Variants in PPL observed in about 807,000 individuals in gnomAD.
PPL encodes the protein 190 kDa paraneoplastic pemphigus antigen.
A neutral mutation model predicts 194.4 loss-of-function variants in PPL; 198 were observed. The ratio of observed to expected loss-of-function variants is 1.02; its 90% CI spans 0.91 to 1.15. PPL has a LOEUF of 1.15. Among genes scored for constraint, PPL ranks in the 50% most tolerant of loss-of-function variants. PPL has a pLI of 0.00. For missense variants in PPL, 2,885 were observed against 2,294.8 expected (o/e 1.26, Z -5.25); for synonymous variants, 1,220 against 972.4 (o/e 1.25, Z -4.74).
chr16:4,934,329 A>G (rs2089265008), intron 1 of PPL, among the ~76,000 whole-genome samples: 2 of 151,460 alleles, frequency 1.3e-5, no homozygotes, highest in South Asian at 2.1e-4. Flanking sequence ...TCACTAATCC[A>G]CACTTTGTAG....
In PPL at chr16:4,888,122, C is replaced by G; in HGVS notation, c.2494G>C (p.Ala832Pro). The G allele has an allele frequency of 1.2e-6, 2 of 1,613,608 alleles. No homozygotes were observed. Among genetic ancestry groups the G allele is most frequent in the Non-Finnish European group, 1.7e-6 (2 of 1,179,480 alleles). Reference protein sequence around the residue: ...VSKRARLQSPATKVKEEEAAL... With the variant: ...VSKRARLQSPPTKVKEEEAAL... Reference sequence around the variant, plus strand: ...CTCACCTCTTCCTTCACTTTGGTGGCAGGAGATTGGAGCCTGGCTCTCTTG... The same window carrying G: ...CTCACCTCTTCCTTCACTTTGGTGGGAGGAGATTGGAGCCTGGCTCTCTTG... The change falls in exon 20 of 22, where the codon GCC becomes CCC. Residue 832 changes from alanine (A) to proline (P), a missense_variant. Physicochemically the swap from Ala to Pro is conservative, Grantham distance 27. Transcript: ENST00000345988.
intron 1 of PPL, among the ~76,000 whole-genome samples, chr16:4,932,411 CTTT>C (rs59920775): frequency 2.1e-5 from 3 of 140,780 alleles, no homozygotes; most frequent in Non-Finnish European, 3.1e-5. Flanking sequence ...AGTCATGAAT[CTTT>C]TTTTTTTTTT....
rs138714555 is a variant in PPL, at chr16:4,892,202, G to A, written c.1662C>T (p.Asn554=). ...ERAKDLKNIT[N]ELLRIEPEKT... is the part of the protein sequence containing the mutation. Reference sequence around the variant, plus strand: ...TCTCAGGTTCAATCCGCAGTAGCTCGTTGGTGATGTTCTGTGGGAACCAGG... The same window carrying A: ...TCTCAGGTTCAATCCGCAGTAGCTCATTGGTGATGTTCTGTGGGAACCAGG... The change falls in exon 15 of 22, where the codon AAC becomes AAT. Residue 554 remains asparagine, a synonymous_variant. Coordinates refer to ENST00000345988, the MANE Select transcript of PPL (RefSeq NM_002705.5). The A allele has an allele frequency of 2.4e-5, 39 of 1,611,806 alleles. No individual in the cohort carries two copies. Among genetic ancestry groups the A allele is most frequent in the Admixed American group, 3.3e-5 (2 of 59,990 alleles).
Position 4,884,793 on chromosome 16 carries a change from T to G in PPL, c.3862A>C (p.Thr1288Pro). Residue 1288 changes from threonine (T) to proline (P), a missense_variant, in exon 22 of 22, where the codon ACC becomes CCC. Thr to Pro is a conservative substitution (Grantham distance 38, BLOSUM62 -1). Transcript: ENST00000345988. The surrounding 1 kb of genome is among the most constrained non-coding windows in gnomAD (Gnocchi z 5.7). ...AGGATCTCCTGGACCACCTCTTTGG[T>G]CTGGACCTGGGGTTTGGTGTCTTTC... ...ALKDTKPQVQ[T>P]KEVVQEILQF... The G allele has an allele frequency of 6.2e-7, 1 of 1,614,106 alleles. No individual in the cohort carries two copies. The highest frequency in any genetic ancestry group is 1.3e-5 in the African/African-American group (1 of 75,012).
intron 18 of PPL, among the ~76,000 whole-genome samples, chr16:4,889,902 A>G (rs1337812707): frequency 1.3e-5 from 2 of 152,220 alleles, no homozygotes; most frequent in Non-Finnish European, 2.9e-5. Flanking sequence ...GCGGCTCCTC[A>G]TTCTGTAGCT....
chr16:4,923,027 T>A (rs996751722), intron 1 of PPL, among the ~76,000 whole-genome samples: 2 of 152,078 alleles, frequency 1.3e-5, no homozygotes, highest in African/African-American at 4.8e-5. Flanking sequence ...CTGTCTTGGG[T>A]TTGGGCTAAG....
At position 4,899,372 on chromosome 16, in the gene PPL, C is replaced by G; in HGVS notation, c.619G>C (p.Ala207Pro). 6.2e-7 allele frequency: 1 copy of G among 1,607,370 alleles called. No homozygotes were observed. Among genetic ancestry groups the G allele is most frequent in the Non-Finnish European group, 8.5e-7 (1 of 1,176,574 alleles). ...AGCGAACTCAGGTGCTGCTGCCGGG[C>G]CTGTGATGCTGCCTGAAGGGGCCGG... ...KYQKLLAASQ[A>P]RQQHLSSLQD... is the part of the protein sequence containing the mutation. The change falls in exon 7 of 22, where the codon GCC (alanine) becomes CCC (proline). Residue 207 changes from alanine (A) to proline (P), a missense_variant. Transcript: ENST00000345988.
At chr16:4,914,566 C>A (rs2088882973) in intron 1 of PPL, among the ~76,000 whole-genome samples, 1 of 152,224 alleles carries the variant, frequency 6.6e-6, no homozygotes, top group African/African-American at 2.4e-5. Flanking sequence ...GGACCCAAGC[C>A]ATACCTTCTG....
intron 3 of PPL, 135 bp downstream of exon 3, chr16:4,903,751 G>A: frequency 1.0e-6 from 1 of 990,608 alleles, no homozygotes; most frequent in Non-Finnish European, 1.5e-6. Flanking sequence ...ATCATGTGAA[G>A]CCTTTGGCAC....
At chr16:4,887,700 C>G (rs2142332084) in intron 20 of PPL, among the ~76,000 whole-genome samples, 1 of 152,198 alleles carries the variant, frequency 6.6e-6, no homozygotes, top group Non-Finnish European at 1.5e-5. Context: ...ACTCCTGGGC[C>G]CAAGTGATCC....
At chr16:4,909,170 C>G (rs2088767949) in intron 2 of PPL, among the ~76,000 whole-genome samples, 1 of 152,124 alleles carries the variant, frequency 6.6e-6, no homozygotes, top group African/African-American at 2.4e-5. Context: ...CAGGGGATAG[C>G]TGGTGGCAGA....
Position 4,892,024 on chromosome 16 carries a change from C to T in PPL, c.1829+11G>A. On this transcript the variant is annotated intron_variant, in intron 15 of 21. Coordinates refer to ENST00000345988, the MANE Select transcript of PPL (RefSeq NM_002705.5). ...CCACCCCAACCTCCATGCTGCCTGT[C>T]TGCCACCCACTTCTCCTGGGCCAAG... The T allele has an allele frequency of 6.2e-7, 1 of 1,612,314 alleles. No individual in the cohort carries two copies. The highest frequency in any genetic ancestry group is 8.5e-7 in the Non-Finnish European group (1 of 1,178,982).
rs752324985 is a variant in PPL, at chr16:4,899,252, C to T, written c.739G>A (p.Asp247Asn). The T allele has an allele frequency of 1.4e-5, 22 of 1,613,738 alleles. No homozygotes were observed. In the East Asian group the frequency reaches 2.2e-4, roughly 16 times the overall value. The change falls in exon 7 of 22, where the codon GAC becomes AAC. Residue 247 changes from aspartate (D) to asparagine (N), a missense_variant. By Grantham distance (23) the Asp-to-Asn change is conservative. Transcript: ENST00000345988. The part of the protein sequence containing the change: ...MQYDWSDRNL[D>N]YPSRRRQYEN... The stretch of plus-strand genomic sequence containing the variant: ...TACTGGCGCCGGCGGCTGGGGTAGT[C>T]GAGGTTGCGGTCACTCCAGTCGTAC...
At chr16:4,889,094 C>G in intron 18 of PPL, 33 bp from the exon 19 acceptor site, 1 of 1,594,346 alleles carries the variant, frequency 6.3e-7, no homozygotes, top group Non-Finnish European at 8.6e-7. Context: ...CAAAACTAAC[C>G]AGAAAAAAAA....
intron 1 of PPL, among the ~76,000 whole-genome samples, chr16:4,915,298 G>C (rs567826949): frequency 1.4e-4 from 21 of 152,250 alleles, no homozygotes; most frequent in Non-Finnish European, 2.5e-4. Flanking sequence ...AGACAGGCCA[G>C]GCCCAAGGCC....
In PPL at chr16:4,904,216, G is replaced by A. The variant is rs1047151466; in HGVS notation, c.163-176C>T. Among the ~76,000 whole-genome samples the A allele has an allele frequency of 4.6e-5, 7 of 152,224 alleles. No homozygotes were observed. In the East Asian group the frequency reaches 5.8e-4, roughly 13 times the overall value. On this transcript the variant is annotated intron_variant, in intron 2 of 21. Coordinates refer to ENST00000345988, the MANE Select transcript of PPL (RefSeq NM_002705.5). ...GGTAGTTCCATCTCTTTGCTGCTAC[G>A]TGGTATTTCTCAAGTTCACTTTGCA...
rs542180163 is a variant in PPL, at chr16:4,915,405, C to T, written c.63-4456G>A. On this transcript the variant is annotated intron_variant, in intron 1 of 21. Coordinates refer to ENST00000345988, the MANE Select transcript of PPL (RefSeq NM_002705.5). Reference sequence around the variant, plus strand: ...TGTCCTCTGGCGATGACCACAAAGGCATCCTGGGCATTTGCCACTTGCTGT... The same window carrying T: ...TGTCCTCTGGCGATGACCACAAAGGTATCCTGGGCATTTGCCACTTGCTGT... 1.3e-4 allele frequency among the ~76,000 whole-genome samples: 20 copies of T among 152,388 alleles called. No homozygotes were observed. The South Asian group carries it at 4.1e-3, about 32-fold the overall frequency.
At chr16:4,934,475 A>G (rs113651823) in intron 1 of PPL, among the ~76,000 whole-genome samples, 10,307 of 152,034 alleles carry the variant, frequency 0.068, 527 homozygotes, top group African/African-American at 0.14. Context: ...AGCCCTATGC[A>G]TGAGACACTC....
rs768878928 is a variant in PPL, at chr16:4,885,215, C to A, written c.3440G>T (p.Ser1147Ile). Residue 1147 changes from serine (S) to isoleucine (I), a missense_variant, in exon 22 of 22, where the codon AGC becomes ATC. Physicochemically the swap from Ser to Ile is moderately radical, Grantham distance 142. Transcript: ENST00000345988. This position sits in a 1 kb window ranked among gnomAD's most constrained non-coding sequence, Gnocchi z 6.3. The stretch of plus-strand genomic sequence containing the variant: ...GAGCAGCTCCGTCTTCTCCCTCTGG[C>A]TAGCGCGAGCCTTGGCAGCCTCGTC... ...YEDEAAKARA[S>I]QREKTELLRK... 3.1e-6 allele frequency: 5 copies of A among 1,613,908 alleles called. No homozygotes were observed. The highest frequency in any genetic ancestry group is 3.3e-5 in the Admixed American group (2 of 60,008).
Sources: allele counts gnomAD v4.1 joint callset (sites outside exome capture counted in the v4.1 genomes callset), GRCh38; gene constraint gnomAD v4.1.1; non-coding constraint Gnocchi (gnomAD v3.1); transcripts MANE v1.5; gene names NCBI Gene and HGNC (gene_info 2026-07-23, HGNC 2026-07-21).